RAB43: variants seen among roughly 807,000 people sequenced by gnomAD.
RAB43 encodes RAB43, member RAS oncogene family.
A neutral mutation model predicts 18.8 loss-of-function variants in RAB43; 6 were observed. The observed-to-expected ratio is 0.32, with a 90% confidence interval of 0.17 to 0.63. The LOEUF (loss-of-function observed/expected upper bound fraction) is 0.63. Among genes scored for constraint, RAB43 ranks in the 30% least tolerant of loss-of-function variants. The pLI, the probability that RAB43 is intolerant of heterozygous loss-of-function variation, is 0.79. For synonymous variants in RAB43, 103 were observed against 124.1 expected (o/e 0.83, Z 1.13); for missense variants, 195 against 289.1 (o/e 0.67, Z 2.36).
chr3:129,104,970 A>G (rs527257680), intron 1 of RAB43, among the ~76,000 whole-genome samples: 7 of 152,280 alleles, frequency 4.6e-5, no homozygotes, highest in Admixed American at 2.0e-4. Context: ...ATGTTCCCAT[A>G]GCTCTTTACT....
chr3:129,106,218 T>C (rs1214594030), intron 1 of RAB43, among the ~76,000 whole-genome samples: 1 of 152,238 alleles, frequency 6.6e-6, no homozygotes, highest in East Asian at 1.9e-4. Context: ...TTGACAAGAC[T>C]TTCTCCTGAG....
chr3:129,115,849 A>G (rs1194663632), intron 1 of RAB43, among the ~76,000 whole-genome samples: 1 of 152,180 alleles, frequency 6.6e-6, no homozygotes, highest in Non-Finnish European at 1.5e-5. Context: ...ATTAAATGGT[A>G]GATTCTAGAA....
rs1258780486 is a variant in RAB43 at position 129,107,414 on chromosome 3, CG to C, written c.205-12246del. Among the ~76,000 whole-genome samples the C allele has an allele frequency of 1.3e-5, 2 of 152,036 alleles. No individual in the cohort carries two copies. Among genetic ancestry groups the C allele is most frequent in the Non-Finnish European group, 2.9e-5 (2 of 68,010 alleles). ...TCTGCTTGCCAAGTGCCACCTCTTCCGGGTATTCCTCTTCCTCGCAGGAAGC... is the reference window on the plus strand; with the variant it reads ...TCTGCTTGCCAAGTGCCACCTCTTCCGGTATTCCTCTTCCTCGCAGGAAGC... On this transcript the variant is annotated intron_variant, in intron 1 of 2. Coordinates refer to ENST00000315150, the MANE Select transcript of RAB43 (RefSeq NM_198490.3). The surrounding 1 kb of genome is among the most constrained non-coding windows in gnomAD (Gnocchi z 4.2).
intron 1 of RAB43, among the ~76,000 whole-genome samples, chr3:129,108,917 C>T (rs1435233218): frequency 2.0e-5 from 3 of 152,000 alleles, no homozygotes; most frequent in Non-Finnish European, 4.4e-5. Context: ...CCCACAACAT[C>T]CCCTAGGACG....
At position 129,107,560 on chromosome 3, in the gene RAB43, G is replaced by A. The variant is rs919208721; in HGVS notation, c.205-12391C>T. ...ACCAAGGCAGCGTGCAGGAGCTCGC[G>A]GTGGGCACCGCTCAGCTGGGGGGCC... On this transcript the variant is annotated intron_variant, in intron 1 of 2. Coordinates refer to ENST00000315150, the MANE Select transcript of RAB43 (RefSeq NM_198490.3). This position sits in a 1 kb window ranked among gnomAD's most constrained non-coding sequence, Gnocchi z 4.2. 4.6e-5 allele frequency among the ~76,000 whole-genome samples: 7 copies of A among 152,148 alleles called. No homozygotes were observed. The highest frequency in any genetic ancestry group is 8.8e-5 in the Non-Finnish European group (6 of 68,032).
chr3:129,103,640 CT>C (rs1934571899), intron 1 of RAB43, among the ~76,000 whole-genome samples: 1 of 152,054 alleles, frequency 6.6e-6, no homozygotes, highest in Non-Finnish European at 1.5e-5. Context: ...TCTCTGCTCG[CT>C]GCAACCTCCG....
At chr3:129,092,367 A>G in intron 2 of RAB43, 1 of 485,728 alleles carries the variant, frequency 2.1e-6, no homozygotes. Flanking sequence ...ATTTGTCTCA[A>G]TAATCCGAGG....
At chr3:129,118,956 C>T (rs1163621212) in intron 1 of RAB43, among the ~76,000 whole-genome samples, 1 of 152,136 alleles carries the variant, frequency 6.6e-6, no homozygotes, top group African/African-American at 2.4e-5. Context: ...AAAAACAGAT[C>T]GGGGGTTGCC....
intron 1 of RAB43, among the ~76,000 whole-genome samples, chr3:129,108,877 G>A (rs187645855): frequency 1.3e-3 from 198 of 152,252 alleles, no homozygotes; most frequent in Non-Finnish European, 2.3e-3. Context: ...ACGTGGCACC[G>A]GGGGCTGCCT....
intron 1 of RAB43, among the ~76,000 whole-genome samples, chr3:129,099,800 A>G (rs1171936756): frequency 6.6e-6 from 1 of 152,224 alleles, no homozygotes; most frequent in Non-Finnish European, 1.5e-5. Flanking sequence ...AAATCAGTGA[A>G]CCTGAAGAAA....
intron 2 of RAB43, 21 bp downstream of exon 2, chr3:129,094,965 C>G: frequency 1.9e-6 from 3 of 1,602,644 alleles, no homozygotes; most frequent in Non-Finnish European, 2.6e-6. Flanking sequence ...GATTTGTGGT[C>G]CCGAGGAATC....
At chr3:129,093,925 T>A (rs901463645) in intron 2 of RAB43, among the ~76,000 whole-genome samples, 6 of 152,068 alleles carry the variant, frequency 3.9e-5, no homozygotes, top group African/African-American at 4.8e-5. Flanking sequence ...GGTGACTGAG[T>A]AAGACTCTGT....
At chr3:129,121,076 C>G (rs1034358157) in intron 1 of RAB43, among the ~76,000 whole-genome samples, 3 of 148,398 alleles carry the variant, frequency 2.0e-5, no homozygotes, top group Non-Finnish European at 3.0e-5. Flanking sequence ...TCGCCCCCCC[C>G]CCCCCCAGCA....
At chr3:129,102,575 A>G (rs1355624254) in intron 1 of RAB43, among the ~76,000 whole-genome samples, 1 of 130,514 alleles carries the variant, frequency 7.7e-6, no homozygotes, top group African/African-American at 2.8e-5. Context: ...GCTTGCAGTG[A>G]GCCGAGATAG....
chr3:129,105,269 G>A (rs1464384840), intron 1 of RAB43, among the ~76,000 whole-genome samples: 1 of 149,990 alleles, frequency 6.7e-6, no homozygotes, highest in East Asian at 2.0e-4. Context: ...CCTGGCCAAC[G>A]TGACGAAACC....
intron 1 of RAB43, among the ~76,000 whole-genome samples, chr3:129,097,340 G>A (rs1003520755): frequency 1.3e-5 from 2 of 152,108 alleles, no homozygotes; most frequent in African/African-American, 2.4e-5. Flanking sequence ...CAAGAAGAAA[G>A]AACACAAAAG....
chr3:129,121,891 G>C (rs1192240874), upstream of RAB43: 2 of 111,364 alleles, frequency 1.8e-5, no homozygotes, highest in African/African-American at 7.0e-5. Flanking sequence ...CCCAACCCTC[G>C]GGCCCACCTC....
intron 1 of RAB43, among the ~76,000 whole-genome samples, chr3:129,097,591 A>G (rs910869132): frequency 6.6e-6 from 1 of 152,204 alleles, no homozygotes; most frequent in African/African-American, 2.4e-5. Flanking sequence ...TCCAGAAAAC[A>G]GAGAGTTCAA....
At chr3:129,092,539 T>TAAGCAA (rs1273529725) in intron 2 of RAB43, 14 of 698,558 alleles carry the variant, frequency 2.0e-5, no homozygotes, top group Non-Finnish European at 3.1e-5. Flanking sequence ...GGCAGGAGGA[T>TAAGCAA]TGCTTGAGGC....
Sources: gnomAD v4.1 joint callset for allele counts (sites outside exome capture counted in the v4.1 genomes callset) on GRCh38, gnomAD v4.1.1 for gene constraint, Gnocchi (gnomAD v3.1) non-coding constraint, MANE v1.5 for transcripts, NCBI Gene and HGNC (gene_info 2026-07-23, HGNC 2026-07-21) for gene names.